The following DAPP1 variants were observed in gnomAD, a reference collection of about 807,000 sequenced individuals.
The protein encoded by DAPP1 is dual adapter for phosphotyrosine and 3-phosphotyrosine and 3-phosphoinositide.
Under a neutral mutation model 41.5 loss-of-function variants are expected in DAPP1, and 20 were observed. The observed-to-expected ratio is 0.48, with a 90% CI of 0.34 to 0.70. The LOEUF (loss-of-function observed/expected upper bound fraction) is 0.70, where lower values mean the gene tolerates loss of function less well. Ranked by LOEUF, DAPP1 falls within the 30% of genes least tolerant of loss-of-function variation. DAPP1 has a pLI of 0.01. For synonymous variants in DAPP1, 113 were observed against 116.2 expected (o/e 0.97, Z 0.18); for missense variants, 233 against 333.4 (o/e 0.70, Z 2.35).
At chr4:99,867,204 T>C (rs1724491695) in intron 8 of DAPP1, among the ~76,000 whole-genome samples, 2 of 152,234 alleles carry the variant, frequency 1.3e-5, no homozygotes, top group Non-Finnish European at 2.9e-5. Flanking sequence ...AAGTATACCA[T>C]TCATTTTTAA....
intron 3 of DAPP1, among the ~76,000 whole-genome samples, chr4:99,848,222 G>A (rs971797937): frequency 6.9e-6 from 1 of 145,024 alleles, no homozygotes; most frequent in African/African-American, 2.7e-5. Context: ...ACAGGGAACA[G>A]GAGCAGAATT....
At chr4:99,819,842 C>T (rs745643443) in intron 1 of DAPP1, among the ~76,000 whole-genome samples, 2 of 151,828 alleles carry the variant, frequency 1.3e-5, no homozygotes, top group African/African-American at 2.4e-5. Context: ...TTTTCAGGCT[C>T]TGGAATATGT....
chr4:99,830,526 G>A (rs1723086386), intron 1 of DAPP1, among the ~76,000 whole-genome samples: 1 of 152,066 alleles, frequency 6.6e-6, no homozygotes. Flanking sequence ...AGTATTCAGT[G>A]CCACATATAG....
At chr4:99,823,137 C>T (rs1470463787) in intron 1 of DAPP1, among the ~76,000 whole-genome samples, 2 of 152,128 alleles carry the variant, frequency 1.3e-5, no homozygotes, top group African/African-American at 4.8e-5. Context: ...GTCAGGATAT[C>T]TGTAATTTAC....
At chr4:99,834,710 C>G (rs963608128) in intron 1 of DAPP1, among the ~76,000 whole-genome samples, 3 of 152,200 alleles carry the variant, frequency 2.0e-5, no homozygotes, top group Non-Finnish European at 2.9e-5. Flanking sequence ...ATTCTGATTA[C>G]AAAGCAACAC....
At chr4:99,837,371 A>G (rs1011632756) in intron 2 of DAPP1, among the ~76,000 whole-genome samples, 14 of 152,206 alleles carry the variant, frequency 9.2e-5, no homozygotes, top group Non-Finnish European at 7.4e-5. Context: ...GTGAAAATCT[A>G]CAGGCCTACT....
chr4:99,849,373 A>G (rs1161823949), intron 3 of DAPP1, among the ~76,000 whole-genome samples: 1 of 152,168 alleles, frequency 6.6e-6, no homozygotes, highest in Non-Finnish European at 1.5e-5. Flanking sequence ...GCATTACTGT[A>G]GCATTCATTC....
intron 3 of DAPP1, among the ~76,000 whole-genome samples, chr4:99,851,848 C>A (rs754595209): frequency 6.6e-6 from 1 of 151,920 alleles, no homozygotes; most frequent in African/African-American, 2.4e-5. Context: ...CCACTGTGCC[C>A]GGCCTGTTTT....
In DAPP1 at chr4:99,853,112, A is replaced by G. The variant is rs1723921838; in HGVS notation, c.359-106A>G. 1.6e-5 allele frequency: 21 copies of G among 1,327,700 alleles called. 1 individual carries two copies. The South Asian group carries it at 3.0e-4, about 19-fold the overall frequency. The allele number at this position is 1,327,700 out of a possible 1,614,324, so 82.2% of individuals were successfully genotyped here. A position where few individuals can be genotyped will look rare whatever the true frequency, so the allele number is the denominator to read the frequency against. ...GTTGAGATAATGAGCGAGGGAATACATGAAAAAAACAAAAGACTTTCCAAT... is the reference window on the plus strand; with the variant it reads ...GTTGAGATAATGAGCGAGGGAATACGTGAAAAAAACAAAAGACTTTCCAAT... On this transcript the variant is annotated intron_variant, in intron 3 of 8. Transcript: ENST00000512369.
chr4:99,846,634 A>T (rs1723673432), intron 3 of DAPP1, among the ~76,000 whole-genome samples: 1 of 152,242 alleles, frequency 6.6e-6, no homozygotes. Flanking sequence ...GTTTAGGGAC[A>T]ATTGAATTTG....
chr4:99,848,431 G>A (rs58512740), intron 3 of DAPP1, among the ~76,000 whole-genome samples: 6,323 of 150,326 alleles, frequency 0.042, 282 homozygotes, highest in East Asian at 0.24. Context: ...GGGTTTCACC[G>A]TGTTAGCCAG....
chr4:99,845,349 A>G (rs1342547820), intron 3 of DAPP1, among the ~76,000 whole-genome samples: 2 of 152,024 alleles, frequency 1.3e-5, no homozygotes, highest in African/African-American at 2.4e-5. Flanking sequence ...CCTTAAATGG[A>G]TTTGGAAGAA....
At position 99,835,745 on chromosome 4, in the gene DAPP1, G is replaced by GCCCT; in HGVS notation, c.224_224+1insCCCT (p.Arg75SerfsTer8). ...ACCGGGCTGTACTCTCTCTCTGTGA[G>GCCCT]GTAAGGTGCTTCAGGGCTCTACGAC... On this transcript the variant is annotated frameshift_variant and splice_region_variant. Transcript: ENST00000512369. LOFTEE classifies it high-confidence loss of function. The GCCCT allele has an allele frequency of 1.2e-6, 2 of 1,613,704 alleles. No homozygotes were observed. The highest frequency in any genetic ancestry group is 1.7e-6 in the Non-Finnish European group (2 of 1,179,738).
chr4:99,824,088 C>G (rs1722860889), intron 1 of DAPP1, among the ~76,000 whole-genome samples: 3 of 152,150 alleles, frequency 2.0e-5, no homozygotes, highest in Non-Finnish European at 4.4e-5. Context: ...AAGTTGATTG[C>G]ATGTTTGGGT....
intron 1 of DAPP1, among the ~76,000 whole-genome samples, chr4:99,824,983 A>G (rs1045449173): frequency 3.3e-5 from 5 of 152,138 alleles, no homozygotes; most frequent in Non-Finnish European, 5.9e-5. Flanking sequence ...TCTGTCCCTC[A>G]GGTCTGTCCA....
chr4:99,840,237 A>C, intron 2 of DAPP1, 52 bp from the exon 3 acceptor site: 1 of 1,287,250 alleles, frequency 7.8e-7, no homozygotes, highest in Non-Finnish European at 1.1e-6. Context: ...ATTTCCCTTC[A>C]ACAAGATATT....
chr4:99,835,040 A>G (rs1723249264), intron 1 of DAPP1, among the ~76,000 whole-genome samples: 1 of 147,828 alleles, frequency 6.8e-6, no homozygotes, highest in Non-Finnish European at 1.5e-5. Flanking sequence ...ATGGAATTGC[A>G]CTCTGTTACC....
chr4:99,843,192 T>A (rs555743811), intron 3 of DAPP1, among the ~76,000 whole-genome samples: 58 of 152,324 alleles, frequency 3.8e-4, no homozygotes, highest in African/African-American at 1.3e-3. Context: ...AATACATTTA[T>A]CTACTGGCAC....
At chr4:99,867,567 A>G (rs2110171598) in intron 8 of DAPP1, among the ~76,000 whole-genome samples, 1 of 152,348 alleles carries the variant, frequency 6.6e-6, no homozygotes, top group Admixed American at 6.5e-5. Context: ...GGCTACTTTG[A>G]AAAATTGCTT....
Sources: gnomAD v4.1 joint callset for allele counts (sites outside exome capture counted in the v4.1 genomes callset) on GRCh38, gnomAD v4.1.1 for gene constraint, MANE v1.5 for transcripts, NCBI Gene and HGNC (gene_info 2026-07-23, HGNC 2026-07-21) for gene names.